FGD5: variants seen among roughly 807,000 people sequenced by gnomAD.
The protein encoded by FGD5 is FYVE, RhoGEF and PH domain-containing protein 5.
A neutral mutation model predicts 133.4 loss-of-function variants in FGD5; 28 were observed. That is an observed-to-expected ratio of 0.21 (90% CI 0.16 to 0.29). The LOEUF (loss-of-function observed/expected upper bound fraction) is 0.29. Among genes scored for constraint, FGD5 ranks in the 10% least tolerant of loss-of-function variants. The probability of loss-of-function intolerance (pLI) is 1.00; values close to 1 mark genes in which losing one functional copy is unlikely to be tolerated. For synonymous variants in FGD5, 810 were observed against 776.5 expected (o/e 1.04, Z -0.72); for missense variants, 1,858 against 1,895.2 (o/e 0.98, Z 0.36).
At chr3:14,811,194 C>T (rs1347589364) in intron 1 of FGD5, among the ~76,000 whole-genome samples, 2 of 152,150 alleles carry the variant, frequency 1.3e-5, no homozygotes, top group Non-Finnish European at 2.9e-5. Context: ...ACGCCCCTTT[C>T]GCAAAAGCGA....
intron 1 of FGD5, among the ~76,000 whole-genome samples, chr3:14,837,429 C>T (rs1390916091): frequency 6.6e-6 from 1 of 152,166 alleles, no homozygotes; most frequent in Admixed American, 6.5e-5. Flanking sequence ...AAATTAGTTT[C>T]CTTCGAACCT....
At chr3:14,930,186 T>A (rs143960847) in intron 18 of FGD5, among the ~76,000 whole-genome samples, 187 of 152,356 alleles carry the variant, frequency 1.2e-3, no homozygotes, top group African/African-American at 4.4e-3. Context: ...GGACTTTCCA[T>A]TGTGTTTCAT....
chr3:14,900,329 G>T (rs2038214137), intron 7 of FGD5, 74 bp from the exon 8 acceptor site: 3 of 1,455,922 alleles, frequency 2.1e-6, no homozygotes, highest in South Asian at 2.4e-5. Flanking sequence ...GGCAAGAGAG[G>T]GGGTGGCCAC....
At chr3:14,920,103 A>G (rs1393437301) in intron 13 of FGD5, among the ~76,000 whole-genome samples, 1 of 152,000 alleles carries the variant, frequency 6.6e-6, no homozygotes, top group African/African-American at 2.4e-5. Context: ...TTTCAGGGCA[A>G]GGTAAGCTCA....
At chr3:14,891,255 C>T (rs767299489) in intron 4 of FGD5, among the ~76,000 whole-genome samples, 16 of 152,110 alleles carry the variant, frequency 1.1e-4, no homozygotes, top group Non-Finnish European at 2.4e-4. Flanking sequence ...CTCAGAATGA[C>T]CCCAGTACCC....
chr3:14,847,813 G>C (rs1201589036), intron 1 of FGD5, among the ~76,000 whole-genome samples: 2 of 152,250 alleles, frequency 1.3e-5, no homozygotes, highest in East Asian at 3.9e-4. Context: ...CTGAGGTGTA[G>C]AGATGAGCAA....
intron 1 of FGD5, among the ~76,000 whole-genome samples, chr3:14,823,889 A>G (rs545658392): frequency 1.3e-5 from 2 of 152,374 alleles, no homozygotes; most frequent in African/African-American, 4.8e-5. Flanking sequence ...TCATCCGGAC[A>G]GTTATGACAA....
In FGD5 at chr3:14,874,199, C is replaced by G. The variant is rs1269809512; in HGVS notation, c.2659-6373C>G. Among the ~76,000 whole-genome samples the G allele has an allele frequency of 2.0e-5, 3 of 152,212 alleles. No individual in the cohort carries two copies. In the East Asian group the frequency reaches 5.8e-4, roughly 29 times the overall value. Reference sequence around the variant, plus strand: ...TAAGCCAGTCACCGATGGACAAATACTGCATGAGTGCACTTACATGAGGTG... The same window carrying G: ...TAAGCCAGTCACCGATGGACAAATAGTGCATGAGTGCACTTACATGAGGTG... On this transcript the variant is annotated intron_variant, in intron 2 of 19. Coordinates refer to ENST00000285046, the MANE Select transcript of FGD5 (RefSeq NM_152536.4).
intron 2 of FGD5, among the ~76,000 whole-genome samples, chr3:14,867,380 T>A (rs2037515646): frequency 6.6e-6 from 1 of 152,238 alleles, no homozygotes; most frequent in Admixed American, 6.5e-5. Context: ...CTATGGTTTA[T>A]TTAGCCATCT....
At chr3:14,913,866 T>A (rs141163884) in intron 11 of FGD5, among the ~76,000 whole-genome samples, 247 of 152,212 alleles carry the variant, frequency 1.6e-3, no homozygotes, top group African/African-American at 5.7e-3. Flanking sequence ...AGATAGCACC[T>A]TCTATGGAAG....
At chr3:14,898,289 A>G (rs564042863) in intron 6 of FGD5, among the ~76,000 whole-genome samples, 194 bp downstream of exon 6, 177 of 152,274 alleles carry the variant, frequency 1.2e-3, no homozygotes, top group African/African-American at 4.1e-3. Flanking sequence ...GCTGTTGGGC[A>G]GCAGATGACA....
intron 1 of FGD5, among the ~76,000 whole-genome samples, chr3:14,860,286 G>A (rs768060816): frequency 5.7e-4 from 87 of 152,308 alleles, no homozygotes; most frequent in South Asian, 1.4e-3. Context: ...CACTCTCTGG[G>A]CTTCAGCGGG....
At chr3:14,898,566 G>A (rs1447081758) in intron 6 of FGD5, among the ~76,000 whole-genome samples, 173 bp from the exon 7 acceptor site, 6 of 152,088 alleles carry the variant, frequency 3.9e-5, no homozygotes, top group African/African-American at 7.2e-5. Context: ...CAGCAGGGCC[G>A]GGCTAATCCA....
chr3:14,884,180 C>T (rs537551744), intron 4 of FGD5, among the ~76,000 whole-genome samples: 5 of 152,194 alleles, frequency 3.3e-5, no homozygotes, highest in African/African-American at 1.2e-4. Context: ...GGTGTGGCAC[C>T]TGGACACCTT....
chr3:14,827,921 G>A (rs1238085622), intron 1 of FGD5, among the ~76,000 whole-genome samples: 1 of 152,214 alleles, frequency 6.6e-6, no homozygotes, highest in Non-Finnish European at 1.5e-5. Context: ...TAAGGATTCT[G>A]CTCCGCCAGC....
At chr3:14,916,403 G>A (rs1389544010) in intron 11 of FGD5, among the ~76,000 whole-genome samples, 1 of 152,186 alleles carries the variant, frequency 6.6e-6, no homozygotes, top group Admixed American at 6.5e-5. Flanking sequence ...CTTTCTGTCT[G>A]CCCTGCTGTG....
chr3:14,867,599 C>A (rs1336351725), intron 2 of FGD5, among the ~76,000 whole-genome samples: 2 of 151,988 alleles, frequency 1.3e-5, no homozygotes, highest in African/African-American at 2.4e-5. Context: ...CCCTGGCCAC[C>A]CTTGGTGCCC....
Position 14,929,832 on chromosome 3 carries a change from G to C in FGD5, c.4198-2745G>C, listed in dbSNP as rs1656444. On this transcript the variant is annotated intron_variant, in intron 18 of 19. Coordinates refer to ENST00000285046, the MANE Select transcript of FGD5 (RefSeq NM_152536.4). ...TTCATTTTCTAATGAATGAATGAAT[G>C]AATCTTTTGGTGAACAGCAGTTTAT... Among the ~76,000 whole-genome samples, 1,027 of 152,286 alleles carry C rather than the reference G, an allele frequency of 6.7e-3. 6 individuals carry two copies. Among genetic ancestry groups the C allele is most frequent in the South Asian group, 0.017 (82 of 4,832 alleles).
chr3:14,839,053 A>C (rs2036868012), intron 1 of FGD5, among the ~76,000 whole-genome samples: 1 of 152,222 alleles, frequency 6.6e-6, no homozygotes, highest in Non-Finnish European at 1.5e-5. Flanking sequence ...GAAGGGATCT[A>C]GGTTGAAAGG....
Sources: gnomAD v4.1 joint callset for allele counts (sites outside exome capture counted in the v4.1 genomes callset) on GRCh38, gnomAD v4.1.1 for gene constraint, MANE v1.5 for transcripts, NCBI Gene and HGNC (gene_info 2026-07-23, HGNC 2026-07-21) for gene names.